DTD1: variants seen among roughly 807,000 people sequenced by gnomAD.
DTD1 encodes the protein D-tyrosyl-tRNA deacylase 1 homolog.
In DTD1, 13 loss-of-function variants were observed where a neutral mutation model predicts 25.6. The observed-to-expected ratio is 0.51, with a 90% CI of 0.33 to 0.81. The LOEUF (loss-of-function observed/expected upper bound fraction) is 0.81, where lower values mean the gene tolerates loss of function less well. Ranked by LOEUF, DTD1 falls within the 30% of genes least tolerant of loss-of-function variation. The pLI, the probability that DTD1 is intolerant of heterozygous loss-of-function variation, is 0.02. For synonymous variants in DTD1, 110 were observed against 103.6 expected (o/e 1.06, Z -0.37); for missense variants, 193 against 266.4 (o/e 0.72, Z 1.92).
intron 4 of DTD1, among the ~76,000 whole-genome samples, chr20:18,659,599 T>C (rs926558366): frequency 1.3e-5 from 2 of 152,198 alleles, no homozygotes; most frequent in African/African-American, 4.8e-5. Context: ...TTATATTCTT[T>C]GGAGGGACAT....
At chr20:18,689,718 G>A (rs1312734420) in intron 4 of DTD1, among the ~76,000 whole-genome samples, 2 of 152,064 alleles carry the variant, frequency 1.3e-5, no homozygotes, top group Non-Finnish European at 2.9e-5. Flanking sequence ...ATTTTTTGCA[G>A]TGTTGCAAAT....
intron 4 of DTD1, among the ~76,000 whole-genome samples, chr20:18,649,326 CTTTTTTTTTTTTTTTTTT>C (rs55766733): frequency 5.2e-5 from 3 of 57,628 alleles, no homozygotes; most frequent in African/African-American, 2.1e-4. Flanking sequence ...ATTCATCTTT[CTTTTTTTTTTTTTTTTTT>C]TTTTTTTTTT....
chr20:18,679,416 T>G (rs1417939428), intron 4 of DTD1, among the ~76,000 whole-genome samples: 1 of 152,258 alleles, frequency 6.6e-6, no homozygotes, highest in African/African-American at 2.4e-5. Flanking sequence ...AATTTGCCAC[T>G]AGTGTCTTTA....
chr20:18,728,230 A>G (rs2061229201), intron 4 of DTD1, among the ~76,000 whole-genome samples: 1 of 151,984 alleles, frequency 6.6e-6, no homozygotes, highest in African/African-American at 2.4e-5. Context: ...GGGCTAGCTA[A>G]AAGGTCCCCT....
At chr20:18,632,111 T>C in intron 4 of DTD1, 2 of 954,744 alleles carry the variant, frequency 2.1e-6, no homozygotes, top group Non-Finnish European at 2.5e-6. Context: ...CACTTCACTA[T>C]GTGTATGTAG....
rs919757176 is a variant in DTD1, at chr20:18,615,447, C to T, written c.371-12680C>T. Reference sequence around the variant, plus strand: ...GCACAGGAAACTGGGTCACTTGTATCCTCAACAGCCCTTCAGGGATCTCCA... The same window carrying T: ...GCACAGGAAACTGGGTCACTTGTATTCTCAACAGCCCTTCAGGGATCTCCA... On this transcript the variant is annotated intron_variant, in intron 3 of 5. Coordinates refer to ENST00000377452, the MANE Select transcript of DTD1 (RefSeq NM_080820.6). 7.0e-4 allele frequency among the ~76,000 whole-genome samples: 107 copies of T among 152,282 alleles called. 1 individual carries two copies. The highest frequency in any genetic ancestry group is 1.5e-4 in the Non-Finnish European group (10 of 68,026).
intron 3 of DTD1, among the ~76,000 whole-genome samples, chr20:18,626,966 A>T (rs1293351516): frequency 6.6e-6 from 1 of 152,142 alleles, no homozygotes; most frequent in East Asian, 1.9e-4. Flanking sequence ...TAAACACATG[A>T]TTTCCTTCCC....
intron 4 of DTD1, among the ~76,000 whole-genome samples, chr20:18,734,780 T>C (rs1338400488): frequency 6.6e-6 from 1 of 152,248 alleles, no homozygotes; most frequent in Non-Finnish European, 1.5e-5. Context: ...AGAGCATTTG[T>C]TACTGGTGGT....
intron 4 of DTD1, among the ~76,000 whole-genome samples, chr20:18,708,741 G>A (rs928658583): frequency 1.1e-4 from 16 of 152,072 alleles, no homozygotes; most frequent in Non-Finnish European, 2.2e-4. Context: ...GGCGGGCAGT[G>A]GTCTGTTGCC....
intron 4 of DTD1, among the ~76,000 whole-genome samples, chr20:18,648,995 CAAAAAAAAAAAAA>C (rs57780175): frequency 1.8e-5 from 1 of 56,270 alleles, no homozygotes; most frequent in African/African-American, 7.9e-5. Context: ...GACTCCATCT[CAAAAAAAAAAAAA>C]AAAAAAAAAA....
chr20:18,747,857 A>C (rs2061306379), intron 5 of DTD1, among the ~76,000 whole-genome samples: 1 of 147,614 alleles, frequency 6.8e-6, no homozygotes, highest in African/African-American at 2.6e-5. Flanking sequence ...AAAAAATACA[A>C]AAAAAAAAAA....
intron 1 of DTD1, among the ~76,000 whole-genome samples, chr20:18,591,907 A>T (rs11907829): frequency 0.021 from 3,178 of 152,318 alleles, 54 homozygotes; most frequent in African/African-American, 0.027. Flanking sequence ...ACAATAAGTC[A>T]CACACACATA....
intron 4 of DTD1, 90 bp downstream of exon 4, chr20:18,628,323 C>T: frequency 1.0e-6 from 1 of 977,480 alleles, no homozygotes; most frequent in Non-Finnish European, 1.6e-6. Flanking sequence ...TGAGGAAATA[C>T]ATCATTGTTG....
At chr20:18,600,918 A>G (rs768562802) in intron 3 of DTD1, among the ~76,000 whole-genome samples, 2 of 152,214 alleles carry the variant, frequency 1.3e-5, no homozygotes, top group Non-Finnish European at 2.9e-5. Context: ...GTATATAGGA[A>G]AGTGATTGAC....
intron 4 of DTD1, among the ~76,000 whole-genome samples, chr20:18,711,817 G>A (rs1374290574): frequency 6.6e-6 from 1 of 151,710 alleles, no homozygotes; most frequent in Non-Finnish European, 1.5e-5. Flanking sequence ...AGGTGAGCAG[G>A]AGGATCACTT....
intron 5 of DTD1, among the ~76,000 whole-genome samples, chr20:18,762,573 G>C (rs16979611): frequency 0.031 from 4,788 of 152,194 alleles, 157 homozygotes; most frequent in African/African-American, 0.072. Flanking sequence ...TGGAAATCAT[G>C]CTTTTATATC....
At chr20:18,628,326 C>G in intron 4 of DTD1, 93 bp downstream of exon 4, 2 of 940,418 alleles carry the variant, frequency 2.1e-6, no homozygotes, top group Non-Finnish European at 1.6e-6. Context: ...GGAAATACAT[C>G]ATTGTTGCAA....
At chr20:18,589,696 A>T (rs2060581487) in intron 1 of DTD1, among the ~76,000 whole-genome samples, 1 of 152,208 alleles carries the variant, frequency 6.6e-6, no homozygotes, top group Admixed American at 6.5e-5. Context: ...GTCGTCACTG[A>T]CAGATTTAAA....
At position 18,764,145 on chromosome 20, in the gene DTD1, T is replaced by G. The variant is rs6136507; in HGVS notation, c.*805T>G. Reference sequence around the variant, plus strand: ...GGAAAAGGGAGTGTGGGTCAGAAGATAGTCCAGTTTCAGAATGGCCACACT... The same window carrying G: ...GGAAAAGGGAGTGTGGGTCAGAAGAGAGTCCAGTTTCAGAATGGCCACACT... On this transcript the variant is annotated 3_prime_UTR_variant, in exon 6 of 6. Transcript: ENST00000377452. 0.59 allele frequency: 89,354 copies of G among 151,998 alleles called. 26,801 individuals carry two copies. Among genetic ancestry groups the G allele is most frequent in the Non-Finnish European group, 0.63 (43,127 of 67,996 alleles). 9.4% of individuals were successfully genotyped at this position (151,998 alleles called of 1,614,324 possible).
Sources: allele counts gnomAD v4.1 joint callset (sites outside exome capture counted in the v4.1 genomes callset), GRCh38; gene constraint gnomAD v4.1.1; transcripts MANE v1.5; gene names NCBI Gene and HGNC (gene_info 2026-07-23, HGNC 2026-07-21).